NYAP2: variants seen among roughly 807,000 people sequenced by gnomAD.
NYAP2 encodes the protein neuronal tyrosine-phosphorylated phosphoinositide-3-kinase adaptor 2.
A neutral mutation model predicts 50.4 loss-of-function variants in NYAP2; 23 were observed. That is an observed-to-expected ratio of 0.46 (90% CI 0.33 to 0.65). The LOEUF (loss-of-function observed/expected upper bound fraction) is 0.65, where lower values mean the gene tolerates loss of function less well. Ranked by LOEUF, NYAP2 falls within the 30% of genes least tolerant of loss-of-function variation. NYAP2 has a pLI of 0.02. For synonymous variants in NYAP2, 394 were observed against 365.2 expected, an observed-to-expected ratio of 1.08 and a Z score of -0.90; for missense variants, 885 against 861.0, an observed-to-expected ratio of 1.03 and a Z score of -0.35.
At chr2:225,452,114 C>G (rs534539700) in intron 3 of NYAP2, among the ~76,000 whole-genome samples, 1 of 152,308 alleles carries the variant, frequency 6.6e-6, no homozygotes, top group Admixed American at 6.5e-5. Flanking sequence ...GGGCTCAAAT[C>G]TATCCTGCTT....
At chr2:225,545,859 G>A (rs976710444) in intron 4 of NYAP2, among the ~76,000 whole-genome samples, 18 of 152,052 alleles carry the variant, frequency 1.2e-4, no homozygotes, top group African/African-American at 4.3e-4. Context: ...GTATTTGAAG[G>A]GATTTGGACA....
chr2:225,678,267 T>C, the NYAP2 span, among the ~76,000 whole-genome samples: 7 of 152,118 alleles, frequency 4.6e-5, no homozygotes, highest in Non-Finnish European at 8.8e-5. Context: ...AAGGTCATGT[T>C]TGTCATTTCT....
At chr2:225,600,925 A>C (rs997373983) in intron 5 of NYAP2, among the ~76,000 whole-genome samples, 3 of 152,124 alleles carry the variant, frequency 2.0e-5, no homozygotes, top group African/African-American at 7.2e-5. Flanking sequence ...TGTTTTAGGG[A>C]TATACCACAT....
intron 4 of NYAP2, among the ~76,000 whole-genome samples, chr2:225,536,052 T>G (rs556891805): frequency 6.6e-6 from 1 of 152,326 alleles, no homozygotes; most frequent in South Asian, 2.1e-4. Context: ...AAGAGATCTA[T>G]AGATGCTTAA....
At chr2:225,663,689 C>T in the NYAP2 span, among the ~76,000 whole-genome samples, 1 of 152,178 alleles carries the variant, frequency 6.6e-6, no homozygotes, top group African/African-American at 2.4e-5. Flanking sequence ...TCCCAAGTAG[C>T]TGGGATTACA....
At chr2:225,605,931 G>A (rs1692777510) in intron 5 of NYAP2, among the ~76,000 whole-genome samples, 1 of 152,052 alleles carries the variant, frequency 6.6e-6, no homozygotes, top group African/African-American at 2.4e-5. Context: ...AATATGTTAA[G>A]TGTTGCTAAA....
At chr2:225,695,065 A>C in the NYAP2 span, among the ~76,000 whole-genome samples, 1 of 151,546 alleles carries the variant, frequency 6.6e-6, no homozygotes, top group Non-Finnish European at 1.5e-5. Context: ...TATAATTTTT[A>C]TTCTTATTCT....
At chr2:225,646,669 T>C (rs1051305491) in intron 6 of NYAP2, among the ~76,000 whole-genome samples, 11 of 152,214 alleles carry the variant, frequency 7.2e-5, no homozygotes, top group Non-Finnish European at 1.2e-4. Context: ...ATGGTAATGA[T>C]CTTACTCTAT....
intron 3 of NYAP2, among the ~76,000 whole-genome samples, chr2:225,499,467 T>C (rs533232382): frequency 1.4e-4 from 21 of 146,276 alleles, no homozygotes; most frequent in Admixed American, 1.0e-3. Flanking sequence ...CGCCCGCTAC[T>C]GTTCCCGGCT....
chr2:225,625,177 A>G (rs1693188728), intron 5 of NYAP2, among the ~76,000 whole-genome samples: 1 of 151,984 alleles, frequency 6.6e-6, no homozygotes, highest in African/African-American at 2.4e-5. Context: ...AGATAATCAG[A>G]TTTTTGAAAA....
At chr2:225,419,776 A>C (rs575225667) in intron 3 of NYAP2, among the ~76,000 whole-genome samples, 2 of 152,268 alleles carry the variant, frequency 1.3e-5, no homozygotes, top group African/African-American at 4.8e-5. Flanking sequence ...TAATGTGACT[A>C]TCTCAATAAC....
intron 3 of NYAP2, among the ~76,000 whole-genome samples, chr2:225,497,162 T>C (rs1475780379): frequency 1.3e-5 from 2 of 152,190 alleles, no homozygotes; most frequent in African/African-American, 2.4e-5. Context: ...GGAAAGTGCA[T>C]TGTTCCCAGA....
chr2:225,655,885 TACACACACACACACAC>T (rs372646871), downstream of NYAP2, among the ~76,000 whole-genome samples: 3 of 121,144 alleles, frequency 2.5e-5, 1 homozygote, highest in African/African-American at 6.2e-5. Flanking sequence ...CAACCTCCAC[TACACACACACACACAC>T]ACACACACAC....
At chr2:225,487,233 G>T (rs1037466698) in intron 3 of NYAP2, among the ~76,000 whole-genome samples, 23 of 152,208 alleles carry the variant, frequency 1.5e-4, no homozygotes, top group African/African-American at 5.3e-4. Flanking sequence ...AAATGGAGTG[G>T]ACAGTGCACA....
At chr2:225,446,399 T>G (rs1231808871) in intron 3 of NYAP2, among the ~76,000 whole-genome samples, 1 of 151,330 alleles carries the variant, frequency 6.6e-6, no homozygotes, top group Non-Finnish European at 1.5e-5. Flanking sequence ...CTCTCCAGGG[T>G]GAGTAACTGC....
At chr2:225,695,839 A>G in the NYAP2 span, among the ~76,000 whole-genome samples, 1 of 151,978 alleles carries the variant, frequency 6.6e-6, no homozygotes, top group African/African-American at 2.4e-5. Context: ...TAAAAAGTGA[A>G]TGCTCATGTC....
chr2:225,619,444 T>C (rs1389739622), intron 5 of NYAP2, among the ~76,000 whole-genome samples: 1 of 152,198 alleles, frequency 6.6e-6, no homozygotes, highest in Non-Finnish European at 1.5e-5. Flanking sequence ...CTTCAGGTGG[T>C]GAGGATTTAT....
chr2:225,656,637 T>C (rs1172774990), downstream of NYAP2, among the ~76,000 whole-genome samples: 1 of 152,092 alleles, frequency 6.6e-6, no homozygotes, highest in Non-Finnish European at 1.5e-5. Context: ...CTAGAGTGTA[T>C]TTCTGAACAT....
intron 5 of NYAP2, among the ~76,000 whole-genome samples, chr2:225,603,161 T>G (rs1024168490): frequency 6.6e-6 from 1 of 152,206 alleles, no homozygotes; most frequent in Non-Finnish European, 1.5e-5. Flanking sequence ...CGTTTATGCC[T>G]AAGTATTTTA....
Sources: allele counts gnomAD v4.1 joint callset (sites outside exome capture counted in the v4.1 genomes callset), GRCh38; gene constraint gnomAD v4.1.1; transcripts MANE v1.5; gene names NCBI Gene and HGNC (gene_info 2026-07-23, HGNC 2026-07-21).